RBFOX1: variants seen among roughly 807,000 people sequenced by gnomAD.
RBFOX1 encodes RNA binding protein fox-1 homolog 1.
In RBFOX1, 8 loss-of-function variants were observed where a neutral mutation model predicts 57.7. The observed-to-expected ratio is 0.14, with a 90% CI of 0.08 to 0.25. The LOEUF (loss-of-function observed/expected upper bound fraction) is 0.25. Among genes scored for constraint, RBFOX1 ranks in the 10% least tolerant of loss-of-function variants. The probability of loss-of-function intolerance (pLI) is 1.00; values close to 1 mark genes in which losing one functional copy is unlikely to be tolerated. For missense variants in RBFOX1, 611 were observed against 548.5 expected, an observed-to-expected ratio of 1.11 and a Z score of -1.14; for synonymous variants, 326 against 222.4, an observed-to-expected ratio of 1.47 and a Z score of -4.15.
intron 1 of RBFOX1, among the ~76,000 whole-genome samples, chr16:5,452,118 T>TC (rs2068445296): frequency 2.7e-5 from 1 of 36,954 alleles, no homozygotes; most frequent in African/African-American, 1.8e-4. Context: ...CTCTCTCTCT[T>TC]TTTTTTTTTT....
chr16:5,593,975 A>G (rs1446710293), intron 2 of RBFOX1, among the ~76,000 whole-genome samples: 2 of 152,050 alleles, frequency 1.3e-5, no homozygotes, highest in African/African-American at 4.8e-5. Context: ...AACCCGTGAT[A>G]CACCACCCCC....
intron 3 of RBFOX1, among the ~76,000 whole-genome samples, chr16:5,693,383 AC>A (rs2050752391): frequency 4.6e-5 from 7 of 152,122 alleles, no homozygotes; most frequent in African/African-American, 1.7e-4. Context: ...AAAAACAAAA[AC>A]AAAATATCTG....
At chr16:5,736,356 C>G (rs1281693760) in intron 3 of RBFOX1, among the ~76,000 whole-genome samples, 2 of 152,116 alleles carry the variant, frequency 1.3e-5, no homozygotes, top group African/African-American at 2.4e-5. Flanking sequence ...CTCCTCCCAT[C>G]TTTTTTACTT....
chr16:6,900,704 T>C (rs956022730), intron 3 of RBFOX1, among the ~76,000 whole-genome samples: 5 of 152,214 alleles, frequency 3.3e-5, no homozygotes, highest in African/African-American at 9.6e-5. Flanking sequence ...AGAATCTGTA[T>C]TGCTTTCTCC....
chr16:5,474,527 A>G (rs1276049890), intron 2 of RBFOX1, among the ~76,000 whole-genome samples: 1 of 152,006 alleles, frequency 6.6e-6, no homozygotes, highest in Non-Finnish European at 1.5e-5. Context: ...GGTGGTGGGC[A>G]CCTGTAATCC....
rs1474815828 is a variant in RBFOX1 at position 5,288,191 on chromosome 16, A to T, written c.219+48086A>T. Among the ~76,000 whole-genome samples, 4 of 152,236 alleles carry T rather than the reference A, an allele frequency of 2.6e-5. No individual in the cohort carries two copies. In the East Asian group the frequency reaches 7.7e-4, roughly 29 times the overall value. ...AGTTGTTTTCAGGAGCCCAGGAAGC[A>T]AATCAGTTGTAGATTTGAATTTTAC... On this transcript the variant is annotated intron_variant, in intron 1 of 2. Transcript: ENST00000585867.
intron 2 of RBFOX1, among the ~76,000 whole-genome samples, chr16:6,411,484 T>C (rs188763656): frequency 6.6e-6 from 1 of 152,362 alleles, no homozygotes; most frequent in Non-Finnish European, 1.5e-5. Flanking sequence ...TGGATTTCTC[T>C]ATTTATAGAA....
intron 5 of RBFOX1, among the ~76,000 whole-genome samples, chr16:7,561,014 C>G (rs1337020570): frequency 6.6e-6 from 1 of 152,160 alleles, no homozygotes; most frequent in African/African-American, 2.4e-5. Flanking sequence ...CTCCACAAAG[C>G]TAGGAGCTCC....
At chr16:6,020,347 C>G (rs937146537) in intron 1 of RBFOX1, among the ~76,000 whole-genome samples, 1 of 152,130 alleles carries the variant, frequency 6.6e-6, no homozygotes, top group Non-Finnish European at 1.5e-5. Flanking sequence ...ATTAGTCTCC[C>G]TGGCCGGCTG....
At chr16:5,310,621 T>C (rs1026286652) in intron 1 of RBFOX1, among the ~76,000 whole-genome samples, 1 of 152,188 alleles carries the variant, frequency 6.6e-6, no homozygotes, top group Non-Finnish European at 1.5e-5. Flanking sequence ...ATTGTAAGGT[T>C]AGAATCGATT....
intron 1 of RBFOX1, among the ~76,000 whole-genome samples, chr16:6,122,088 T>C (rs902290330): frequency 6.6e-6 from 1 of 152,080 alleles, no homozygotes; most frequent in Admixed American, 6.5e-5. Context: ...GTGTTTTTAG[T>C]AGAGATGGGG....
At chr16:5,436,732 A>G (rs1476018149) in intron 1 of RBFOX1, among the ~76,000 whole-genome samples, 1 of 151,952 alleles carries the variant, frequency 6.6e-6, no homozygotes. Flanking sequence ...CACCTGTTTG[A>G]AAGGCTGAGG....
At chr16:5,639,658 C>G (rs529841729) in intron 3 of RBFOX1, among the ~76,000 whole-genome samples, 1 of 152,302 alleles carries the variant, frequency 6.6e-6, no homozygotes, top group Non-Finnish European at 1.5e-5. Flanking sequence ...CTGTCTCTCT[C>G]TTTCAGCCTT....
chr16:5,810,607 C>G (rs1311024017), intron 3 of RBFOX1, among the ~76,000 whole-genome samples: 2 of 152,150 alleles, frequency 1.3e-5, no homozygotes, highest in African/African-American at 4.8e-5. Context: ...GACACTCCTG[C>G]TGGGTTGACC....
At chr16:7,666,994 C>T (rs992002073) in intron 13 of RBFOX1, among the ~76,000 whole-genome samples, 3 of 152,192 alleles carry the variant, frequency 2.0e-5, no homozygotes, top group African/African-American at 7.2e-5. Context: ...TCTGACTTTT[C>T]AGGCCACGAC....
intron 4 of RBFOX1, among the ~76,000 whole-genome samples, chr16:7,428,369 C>T (rs916404405): frequency 1.5e-4 from 20 of 130,492 alleles, no homozygotes; most frequent in African/African-American, 5.8e-4. Context: ...CTCTGTTGCT[C>T]AGGCTGGAGT....
intron 3 of RBFOX1, among the ~76,000 whole-genome samples, chr16:6,943,387 A>G (rs893849748): frequency 3.9e-5 from 6 of 152,266 alleles, no homozygotes; most frequent in Middle Eastern, 3.4e-3. Flanking sequence ...CTTAATAGAC[A>G]GACAAGACTG....
chr16:7,273,555 C>G (rs2095381751), intron 4 of RBFOX1, among the ~76,000 whole-genome samples: 1 of 152,130 alleles, frequency 6.6e-6, no homozygotes, highest in Non-Finnish European at 1.5e-5. Flanking sequence ...GGGTTAACCT[C>G]TTTGTGCCTT....
intron 1 of RBFOX1, among the ~76,000 whole-genome samples, chr16:6,087,241 A>G (rs951874981): frequency 6.6e-6 from 1 of 152,238 alleles, no homozygotes; most frequent in African/African-American, 2.4e-5. Flanking sequence ...GGTCCAACGA[A>G]AAGGTGTTTC....
Sources: gnomAD v4.1 joint callset for allele counts (sites outside exome capture counted in the v4.1 genomes callset) on GRCh38, gnomAD v4.1.1 for gene constraint, MANE v1.5 for transcripts, NCBI Gene and HGNC (gene_info 2026-07-23, HGNC 2026-07-21) for gene names.